Variants in FYB1 observed in about 807,000 individuals in gnomAD.
FYB1 encodes FYN-binding protein 1.
In FYB1, 41 loss-of-function variants were observed where a neutral mutation model predicts 94.1. The ratio of observed to expected loss-of-function variants is 0.44; its 90% CI spans 0.34 to 0.57. The LOEUF is 0.57. Ranked by LOEUF, FYB1 falls within the 20% of genes least tolerant of loss-of-function variation. The pLI is 0.02. For synonymous variants in FYB1, 367 were observed against 353.2 expected (o/e 1.04, Z -0.44); for missense variants, 1,050 against 976.8 (o/e 1.07, Z -1.00).
chr5:39,203,749 T>C (rs1451138868), intron 1 of FYB1, among the ~76,000 whole-genome samples: 1 of 152,150 alleles, frequency 6.6e-6, no homozygotes, highest in African/African-American at 2.4e-5. Flanking sequence ...AGGCTGTCAG[T>C]CTTATTTCCA....
intron 2 of FYB1, among the ~76,000 whole-genome samples, chr5:39,183,683 C>A (rs1746477056): frequency 1.3e-5 from 2 of 152,180 alleles, no homozygotes; most frequent in Admixed American, 1.3e-4. Flanking sequence ...CAACTCAAAA[C>A]AAGCTATTCT....
rs531787491 is a variant in FYB1 at position 39,124,270 on chromosome 5, G to A, written c.2054C>T (p.Ala685Val). ...SDNNEGSSFP[A>V]PPKQLDMGDE... Reference sequence around the variant, plus strand: ...TTACTTACCCAATTGTTTAGGAGGAGCAGGGAAACTACAAAGAAAGTGAGA... The same window carrying A: ...TTACTTACCCAATTGTTTAGGAGGAACAGGGAAACTACAAAGAAAGTGAGA... Residue 685 changes from alanine (A) to valine (V), a missense_variant, in exon 13 of 19, where the codon GCT becomes GTT. Ala to Val is a moderately conservative substitution (Grantham distance 64, BLOSUM62 0). Transcript: ENST00000512982. 5 of 1,554,316 alleles carry A rather than the reference G, an allele frequency of 3.2e-6. No homozygotes were observed. Among genetic ancestry groups the A allele is most frequent in the Non-Finnish European group, 4.3e-6 (5 of 1,153,544 alleles).
chr5:39,125,700 G>T (rs1385085117), intron 12 of FYB1, among the ~76,000 whole-genome samples: 1 of 152,118 alleles, frequency 6.6e-6, no homozygotes, highest in African/African-American at 2.4e-5. Context: ...CTGTGTGGAT[G>T]AGCGTGAGAG....
intron 10 of FYB1, 90 bp downstream of exon 10, chr5:39,130,500 G>T: frequency 1.0e-6 from 1 of 969,746 alleles, no homozygotes; most frequent in Non-Finnish European, 1.6e-6. Context: ...CACATTCTAT[G>T]CATGTAACAA....
Position 39,269,103 on chromosome 5 carries a change from G to A in FYB1, c.-28+5300C>T, listed in dbSNP as rs373186647. On this transcript the variant is annotated intron_variant, in intron 1 of 1. Coordinates refer to the FYB1 transcript ENST00000510188. ...CTTGCTCTGTGGCCCAGGCTAGAGC[G>A]CAGTGGCGTGATCTCGGCTCACTGC... Among the ~76,000 whole-genome samples, 16 of 151,938 alleles carry A rather than the reference G, an allele frequency of 1.1e-4. No individual in the cohort carries two copies. In the East Asian group the frequency reaches 2.5e-3, roughly 24 times the overall value.
intron 2 of FYB1, among the ~76,000 whole-genome samples, chr5:39,159,093 A>G (rs1272103871): frequency 6.6e-6 from 1 of 152,228 alleles, no homozygotes; most frequent in Non-Finnish European, 1.5e-5. Flanking sequence ...AGTCTGAAGC[A>G]TTGCATAAAC....
At chr5:39,132,517 C>T (rs1460899458) in intron 9 of FYB1, among the ~76,000 whole-genome samples, 1 of 152,132 alleles carries the variant, frequency 6.6e-6, no homozygotes, top group Non-Finnish European at 1.5e-5. Context: ...TTCCAACTTC[C>T]TGCTTTTACT....
At chr5:39,270,406 C>G (rs1054049852) in intron 1 of FYB1, among the ~76,000 whole-genome samples, 1 of 152,182 alleles carries the variant, frequency 6.6e-6, no homozygotes, top group Admixed American at 6.5e-5. Context: ...CTGGCATGAA[C>G]AAGACTCAGC....
At chr5:39,273,975 A>T (rs1752731442) in intron 1 of FYB1, among the ~76,000 whole-genome samples, 1 of 151,858 alleles carries the variant, frequency 6.6e-6, no homozygotes, top group African/African-American at 2.4e-5. Flanking sequence ...CCCAGGCTAG[A>T]GTACAGTGGC....
chr5:39,242,404 A>G (rs1279070162), intron 1 of FYB1, among the ~76,000 whole-genome samples: 1 of 150,352 alleles, frequency 6.7e-6, no homozygotes, highest in Admixed American at 6.8e-5. Context: ...GTTATTTGTC[A>G]TTGTCATAAT....
At chr5:39,177,258 T>C (rs985220263) in intron 2 of FYB1, among the ~76,000 whole-genome samples, 5 of 152,206 alleles carry the variant, frequency 3.3e-5, no homozygotes, top group African/African-American at 9.7e-5. Flanking sequence ...TTGTTTCTGT[T>C]GCTGCCTTCT....
intron 1 of FYB1, among the ~76,000 whole-genome samples, chr5:39,247,889 T>TTTTTGTTTTG (rs59562725): frequency 0.19 from 28,229 of 149,174 alleles, 2,819 homozygotes; most frequent in African/African-American, 0.24. Flanking sequence ...TACTTTCTTG[T>TTTTTGTTTTG]TTTTGTTTTG....
At chr5:39,171,466 G>C (rs1191885402) in intron 2 of FYB1, among the ~76,000 whole-genome samples, 1 of 152,132 alleles carries the variant, frequency 6.6e-6, no homozygotes, top group Non-Finnish European at 1.5e-5. Flanking sequence ...CTCTGGGTCT[G>C]GGGCCCAGCA....
At chr5:39,108,822 A>T (rs998524796) in intron 17 of FYB1, among the ~76,000 whole-genome samples, 6 of 152,052 alleles carry the variant, frequency 3.9e-5, no homozygotes, top group African/African-American at 1.4e-4. Context: ...ATTACTTATG[A>T]TTATAGGCAG....
At chr5:39,268,165 G>A (rs917450211) in intron 1 of FYB1, among the ~76,000 whole-genome samples, 1 of 151,890 alleles carries the variant, frequency 6.6e-6, no homozygotes, top group South Asian at 2.1e-4. Flanking sequence ...TACTAACCTG[G>A]TGATTGTCCC....
chr5:39,227,070 G>A (rs1245224059), intron 1 of FYB1, among the ~76,000 whole-genome samples: 1 of 152,176 alleles, frequency 6.6e-6, no homozygotes, highest in African/African-American at 2.4e-5. Context: ...ACCTGTTTTT[G>A]TTGCATCTCT....
At chr5:39,158,012 A>G (rs1348918365) in intron 2 of FYB1, among the ~76,000 whole-genome samples, 1 of 152,194 alleles carries the variant, frequency 6.6e-6, no homozygotes, top group Non-Finnish European at 1.5e-5. Context: ...TAATAAGTCA[A>G]GTGGGAGCTT....
intron 9 of FYB1, among the ~76,000 whole-genome samples, chr5:39,131,097 T>G (rs1192099878): frequency 6.6e-6 from 1 of 152,208 alleles, no homozygotes; most frequent in Admixed American, 6.5e-5. Context: ...TTAAAAAACT[T>G]GAAATCTCAT....
intron 1 of FYB1, among the ~76,000 whole-genome samples, chr5:39,227,873 T>C (rs192934320): frequency 3.3e-4 from 51 of 152,324 alleles, no homozygotes; most frequent in African/African-American, 1.2e-3. Context: ...TGATTCTCTT[T>C]ATAGAATTGT....
Sources: allele counts gnomAD v4.1 joint callset (sites outside exome capture counted in the v4.1 genomes callset), GRCh38; gene constraint gnomAD v4.1.1; transcripts MANE v1.5; gene names NCBI Gene and HGNC (gene_info 2026-07-23, HGNC 2026-07-21).